The following PPP1R12C variants were observed in gnomAD, a reference collection of about 807,000 sequenced individuals.
PPP1R12C encodes protein phosphatase 1 regulatory subunit 12C, also known as leukocyte receptor cluster (LRC) encoded novel gene 3.
PPP1R12C carries 48 observed loss-of-function variants against 95.6 expected under a neutral mutation model. The ratio of observed to expected loss-of-function variants is 0.50; its 90% CI spans 0.40 to 0.64. The LOEUF (loss-of-function observed/expected upper bound fraction) is 0.64, where lower values mean the gene tolerates loss of function less well. PPP1R12C is among the 30% of genes least tolerant of loss of function. The pLI, the probability that PPP1R12C is intolerant of heterozygous loss-of-function variation, is 0.00. For synonymous variants in PPP1R12C, 480 were observed against 460.8 expected (o/e 1.04, Z -0.53); for missense variants, 1,057 against 1,083.3 (o/e 0.98, Z 0.34).
intron 3 of PPP1R12C, among the ~76,000 whole-genome samples, chr19:55,104,180 GTATA>G (rs756594022): frequency 2.7e-5 from 2 of 72,824 alleles, no homozygotes; most frequent in African/African-American, 4.6e-5. Flanking sequence ...AAAAAAAAAA[GTATA>G]TATATATATA....
chr19:55,098,885 A>G, intron 5 of PPP1R12C, 27 bp from the exon 6 acceptor site: 1 of 1,612,890 alleles, frequency 6.2e-7, no homozygotes, highest in Non-Finnish European at 8.5e-7. Context: ...GCAGGATCAG[A>G]CAATGAAGGA....
chr19:55,104,199 T>TATATATACACACAC (rs34075382), intron 3 of PPP1R12C, among the ~76,000 whole-genome samples: 10 of 120,044 alleles, frequency 8.3e-5, no homozygotes, highest in African/African-American at 3.3e-4. Context: ...TATATATATA[T>TATATATACACACAC]ACACACACAC....
chr19:55,112,126 T>A, intron 3 of PPP1R12C: 1 of 208,074 alleles, frequency 4.8e-6, no homozygotes, highest in Non-Finnish European at 9.6e-6. Context: ...CAGAAAGACC[T>A]GCGGCAGGGT....
rs1270400181 is a variant in PPP1R12C at position 55,092,470 on chromosome 19, G to A, written c.2027C>T (p.Ser676Leu). Residue 676 changes from serine to leucine, a missense_variant, in exon 18 of 22, where the codon TCG (serine) becomes TTG (leucine). Transcript: ENST00000263433. ...CCTAAAGCCTCCGTCTGGCTCTTCC[G>A]ATTCTGGCTCAGGTTCTGGGTTGAG... ...RDLNPEPEPE[S>L]EEPDGGFRTL... 3 of 1,609,762 alleles carry A rather than the reference G, an allele frequency of 1.9e-6. No individual in the cohort carries two copies. The highest frequency in any genetic ancestry group is 1.7e-5 in the Admixed American group (1 of 59,698).
intron 11 of PPP1R12C, chr19:55,095,035 G>C (rs1017062305): frequency 5.6e-5 from 38 of 679,590 alleles, no homozygotes; most frequent in Non-Finnish European, 9.5e-5. Context: ...GAGGGTGTGC[G>C]TGTGCGGACG....
rs532515118 is a variant in PPP1R12C at position 55,109,351 on chromosome 19, G to A, written c.571+3116C>T. On this transcript the variant is annotated intron_variant, in intron 3 of 21. Transcript: ENST00000263433. The surrounding 1 kb of genome is among the most constrained non-coding windows in gnomAD (Gnocchi z 4.4). Reference sequence around the variant, plus strand: ...GGGCTCAAGAGATCCTCCCATCTTGGCCTCCCAAAGTGCTGGGCTTACAGG... The same window carrying A: ...GGGCTCAAGAGATCCTCCCATCTTGACCTCCCAAAGTGCTGGGCTTACAGG... 6.2e-4 allele frequency among the ~76,000 whole-genome samples: 95 copies of A among 152,348 alleles called. No homozygotes were observed. Among genetic ancestry groups the A allele is most frequent in the Middle Eastern group, 3.4e-3 (1 of 294 alleles).
chr19:55,095,452 G>A lies in PPP1R12C; in HGVS notation c.1379C>T (p.Ser460Phe). Residue 460 changes from serine to phenylalanine, a missense_variant, in exon 10 of 22, where the codon TCC becomes TTC. Physicochemically the swap from Ser to Phe is radical, Grantham distance 155. Around this residue, in one of 5 missense-constraint regions of PPP1R12C, gnomAD observed 356 missense variants for 330.5 expected, o/e 1.08. Transcript: ENST00000263433. ...GGCCCAACCCTCACTCACCTGAGTG[G>A]AGGTCCCTTCCAGCCAGGAGGAGGA... ...SASSSWLEGT[S>F]TQAKELRLAR... 1 of 1,561,914 alleles carries A rather than the reference G, an allele frequency of 6.4e-7. No homozygotes were observed. Among genetic ancestry groups the A allele is most frequent in the African/African-American group, 1.4e-5 (1 of 73,598 alleles).
Position 55,112,515 on chromosome 19 carries a change from C to T in PPP1R12C, c.523G>A (p.Glu175Lys), listed in dbSNP as rs760014683. The change falls in exon 3 of 22, where the codon GAG (glutamate) becomes AAG (lysine). Residue 175 changes from glutamate (E) to lysine (K), a missense_variant. By Grantham distance (56) the Glu-to-Lys change is moderately conservative (BLOSUM62 1). This residue lies in a region of PPP1R12C where 282 missense variants were observed against 380.4 expected (regional missense o/e 0.74). Coordinates refer to ENST00000263433, the MANE Select transcript of PPP1R12C (RefSeq NM_017607.4). ...AGCAGCCCCTCCATGGCGTCCGACT[C>T]GGCCAGGTCCAGGGGCAGGTCCCCG... ...SDGDLPLDLA[E>K]SDAMEGLLKA... 1.2e-6 allele frequency: 2 copies of T among 1,613,446 alleles called. No individual in the cohort carries two copies. The highest frequency in any genetic ancestry group is 2.2e-5 in the East Asian group (1 of 44,868).
intron 6 of PPP1R12C, 152 bp downstream of exon 6, chr19:55,098,632 G>T: frequency 1.1e-6 from 1 of 924,416 alleles, no homozygotes; most frequent in Non-Finnish European, 1.7e-6. Context: ...CTCTCCTGAG[G>T]CTGGGGCTGG....
Position 55,106,317 on chromosome 19 carries a change from T to C in PPP1R12C, c.572-2749A>G, listed in dbSNP as rs1230408069. Among the ~76,000 whole-genome samples, 5 of 152,228 alleles carry C rather than the reference T, an allele frequency of 3.3e-5. No homozygotes were observed. The East Asian group carries it at 5.8e-4, about 18-fold the overall frequency. On this transcript the variant is annotated intron_variant, in intron 3 of 21. Transcript: ENST00000263433. ...TACTATGATGAACATCTGCCCATGG[T>C]TGGGAAGGCCTCTCTCGGGCTGCCC... is the stretch of plus-strand genomic sequence containing the variant.
At position 55,094,644 on chromosome 19, in the gene PPP1R12C, T is replaced by C; in HGVS notation, c.1592+17A>G. The C allele has an allele frequency of 6.4e-7, 1 of 1,564,510 alleles. No homozygotes were observed. Among genetic ancestry groups the C allele is most frequent in the Non-Finnish European group, 8.6e-7 (1 of 1,161,148 alleles). On this transcript the variant is annotated intron_variant, in intron 12 of 21. Transcript: ENST00000263433. ...GCTGGGGGCGGGGGCGGCAGCTTCC[T>C]GCCCTGGCCTCTTCACCTCCGTCGG...
intron 19 of PPP1R12C, 27 bp downstream of exon 19, chr19:55,092,195 C>T (rs760247223): frequency 3.3e-6 from 5 of 1,535,784 alleles, no homozygotes; most frequent in Non-Finnish European, 3.5e-6. Flanking sequence ...CTGCCAGTTC[C>T]CGTGACCCTG....
chr19:55,104,726 GAC>G (rs779071019), intron 3 of PPP1R12C, among the ~76,000 whole-genome samples: 1 of 151,158 alleles, frequency 6.6e-6, no homozygotes, highest in Non-Finnish European at 1.5e-5. Context: ...TATTGGTAGT[GAC>G]AGGAAAAGTT....
intron 7 of PPP1R12C, 32 bp from the exon 8 acceptor site, chr19:55,096,210 A>G (rs563489293): frequency 1.2e-6 from 2 of 1,613,008 alleles, no homozygotes; most frequent in Admixed American, 1.7e-5. Context: ...CTGGGGTACA[A>G]GCCCGGGGCC....
intron 4 of PPP1R12C, among the ~76,000 whole-genome samples, chr19:55,102,581 G>A (rs1020063882): frequency 3.9e-5 from 6 of 152,190 alleles, no homozygotes; most frequent in African/African-American, 1.4e-4. Flanking sequence ...AATTGTAACT[G>A]ACAGAACTAT....
intron 3 of PPP1R12C, among the ~76,000 whole-genome samples, chr19:55,104,199 TACAC>T (rs1555850741): frequency 5.8e-5 from 7 of 120,054 alleles, no homozygotes; most frequent in Non-Finnish European, 1.1e-4. Context: ...TATATATATA[TACAC>T]ACACACACAC....
Position 55,096,092 on chromosome 19 carries a change from G to C in PPP1R12C, c.1112C>G (p.Pro371Arg), listed in dbSNP as rs756963072. ...CCCCTCATCCTCGTCCTGGATGGGG[G>C]GCCCCCCAGCCCCACCAGGCCGGCG... ...KERRPGGAGG[P>R]PIQDEDEGEE... Residue 371 changes from proline (P) to arginine (R), a missense_variant, in exon 8 of 22, where the codon CCC becomes CGC. By Grantham distance (103) the Pro-to-Arg change is moderately radical (BLOSUM62 -2). This residue lies in a region of PPP1R12C where 356 missense variants were observed against 330.5 expected (regional missense o/e 1.08). Transcript: ENST00000263433. 1.2e-6 allele frequency: 2 copies of C among 1,603,302 alleles called. No individual in the cohort carries two copies. Among genetic ancestry groups the C allele is most frequent in the Admixed American group, 3.5e-5 (2 of 57,954 alleles).
chr19:55,095,435 C>G lies in PPP1R12C; in HGVS notation c.1386+10G>C. ...GGCCTGGGCCTGGACCCGGCCCAAC[C>G]CTCACTCACCTGAGTGGAGGTCCCT... On this transcript the variant is annotated intron_variant, in intron 10 of 21. Coordinates refer to ENST00000263433, the MANE Select transcript of PPP1R12C (RefSeq NM_017607.4). 6.4e-7 allele frequency: 1 copy of G among 1,560,738 alleles called. No individual in the cohort carries two copies. Among genetic ancestry groups the G allele is most frequent in the South Asian group, 1.2e-5 (1 of 84,850 alleles).
intron 1 of PPP1R12C, chr19:55,113,650 T>G: frequency 8.2e-7 from 1 of 1,218,550 alleles, no homozygotes; most frequent in East Asian, 3.2e-5. Flanking sequence ...CGGGATAAAT[T>G]ACCCCCCAAG....
Sources: allele counts gnomAD v4.1 joint callset (sites outside exome capture counted in the v4.1 genomes callset), GRCh38; gene constraint gnomAD v4.1.1; regional missense constraint gnomAD v4.1.1; non-coding constraint Gnocchi (gnomAD v3.1); transcripts MANE v1.5; gene names NCBI Gene and HGNC (gene_info 2026-07-23, HGNC 2026-07-21).